CYP2C19: variants seen among roughly 807,000 people sequenced by gnomAD.
CYP2C19 encodes cytochrome P450 2C19.
CYP2C19 carries 59 observed loss-of-function variants against 40.9 expected under a neutral mutation model. That is an observed-to-expected ratio of 1.44 (90% CI 1.17 to 1.79). The LOEUF is 1.79. Among genes scored for constraint, CYP2C19 ranks in the 40% most tolerant of loss-of-function variants. CYP2C19 has a pLI of 0.00. For missense variants in CYP2C19, 754 were observed against 596.9 expected (o/e 1.26, Z -2.74); for synonymous variants, 253 against 208.7 (o/e 1.21, Z -1.83).
intron 6 of CYP2C19, among the ~76,000 whole-genome samples, chr10:94,824,571 T>C (rs1393484641): frequency 6.6e-6 from 1 of 152,222 alleles, no homozygotes; most frequent in Non-Finnish European, 1.5e-5. Flanking sequence ...TTTAAACGTG[T>C]TATTTTGATG....
chr10:94,831,763 CTA>C lies in CYP2C19; in HGVS notation c.962-11071_962-11070del, dbSNP rs112821760. 3.6e-3 allele frequency among the ~76,000 whole-genome samples: 544 copies of C among 152,172 alleles called. 1 individual carries two copies. Among genetic ancestry groups the C allele is most frequent in the African/African-American group, 0.012 (519 of 41,536 alleles). On this transcript the variant is annotated intron_variant, in intron 6 of 8. Transcript: ENST00000371321. ...GTGGACTTGATTATTAGATTTTTTT[CTA>C]TAGAGTTACTTAAGTTCCTTATATA...
At chr10:94,780,400 A>T in intron 3 of CYP2C19, 99 bp from the exon 4 acceptor site, 1 of 1,462,900 alleles carries the variant, frequency 6.8e-7, no homozygotes, top group Non-Finnish European at 9.2e-7. Flanking sequence ...TAGGTAAGAT[A>T]TTACTTAAAA....
chr10:94,775,627 T>C, intron 3 of CYP2C19, 88 bp downstream of exon 3: 1 of 1,607,082 alleles, frequency 6.2e-7, no homozygotes, highest in Non-Finnish European at 8.5e-7. Flanking sequence ...GGTGGCCAGA[T>C]CTTTTATTTG....
At chr10:94,783,298 C>T (rs1056338058) in intron 5 of CYP2C19, among the ~76,000 whole-genome samples, 1 of 151,994 alleles carries the variant, frequency 6.6e-6, no homozygotes, top group Non-Finnish European at 1.5e-5. Context: ...TCCTGCATTC[C>T]TGCAGATTGA....
intron 5 of CYP2C19, among the ~76,000 whole-genome samples, chr10:94,818,906 G>A (rs1299258598): frequency 6.6e-6 from 1 of 152,006 alleles, no homozygotes; most frequent in East Asian, 1.9e-4. Flanking sequence ...TGATTGCCCT[G>A]GCCAGAACTT....
rs147255955 is a variant in CYP2C19 at position 94,762,751 on chromosome 10, C to T, written c.46C>T (p.Leu16Phe). The change falls in exon 1 of 9, where the codon CTC becomes TTC. Residue 16 changes from leucine (L) to phenylalanine (F), a missense_variant. By Grantham distance (22) the Leu-to-Phe change is conservative. Coordinates refer to ENST00000371321, the MANE Select transcript of CYP2C19 (RefSeq NM_000769.4). ...TGTGCTCTGTCTCTCATGTTTGCTT[C>T]TCCTTTCAATCTGGAGACAGAGCTC... The part of the protein sequence containing the change: ...VLVLCLSCLL[L>F]LSIWRQSSGR... 1.9e-6 allele frequency: 3 copies of T among 1,613,838 alleles called. No homozygotes were observed. Among genetic ancestry groups the T allele is most frequent in the Non-Finnish European group, 2.5e-6 (3 of 1,179,956 alleles).
intron 6 of CYP2C19, among the ~76,000 whole-genome samples, chr10:94,821,209 G>T (rs1849116451): frequency 6.6e-6 from 1 of 152,182 alleles, no homozygotes; most frequent in Admixed American, 6.5e-5. Context: ...GGCCCAGTGT[G>T]TCTGGATTTC....
chr10:94,841,963 C>T (rs1165251063), intron 6 of CYP2C19, among the ~76,000 whole-genome samples: 1 of 152,182 alleles, frequency 6.6e-6, no homozygotes, highest in East Asian at 1.9e-4. Flanking sequence ...GAATGTGTAT[C>T]TGTAGCAGTT....
chr10:94,826,148 T>C (rs1349322073), intron 6 of CYP2C19, among the ~76,000 whole-genome samples: 2 of 152,126 alleles, frequency 1.3e-5, no homozygotes, highest in East Asian at 3.9e-4. Context: ...CGGGCTCTTT[T>C]TTGGTTCCAT....
intron 5 of CYP2C19, 113 bp from the exon 6 acceptor site, chr10:94,820,383 T>A: frequency 1.6e-6 from 2 of 1,254,344 alleles, no homozygotes; most frequent in Non-Finnish European, 2.3e-6. Flanking sequence ...TTTCTAGTAC[T>A]ATACTTTACA....
At chr10:94,765,022 C>T (rs1205621937) in intron 1 of CYP2C19, among the ~76,000 whole-genome samples, 1 of 152,114 alleles carries the variant, frequency 6.6e-6, no homozygotes, top group Non-Finnish European at 1.5e-5. Flanking sequence ...CCTTTCTCAG[C>T]AGTGAGGAGG....
At chr10:94,834,626 C>T (rs1849374827) in intron 6 of CYP2C19, among the ~76,000 whole-genome samples, 2 of 151,868 alleles carry the variant, frequency 1.3e-5, no homozygotes, top group South Asian at 4.1e-4. Flanking sequence ...GGAGGGGACC[C>T]AAAGGGGGTT....
chr10:94,826,582 T>C (rs1589369605), intron 6 of CYP2C19, among the ~76,000 whole-genome samples: 1 of 152,328 alleles, frequency 6.6e-6, no homozygotes, highest in East Asian at 1.9e-4. Flanking sequence ...GTTTTCTAGA[T>C]ATACAATCAT....
At chr10:94,776,860 T>C (rs1418810815) in intron 3 of CYP2C19, among the ~76,000 whole-genome samples, 5 of 152,124 alleles carry the variant, frequency 3.3e-5, no homozygotes, top group Non-Finnish European at 5.9e-5. Context: ...GAAGTCAAAT[T>C]GTCTCTGTTT....
In CYP2C19 at chr10:94,763,263, G is replaced by T. The variant is rs17878279; in HGVS notation, c.168+390G>T. On this transcript the variant is annotated intron_variant, in intron 1 of 8. Coordinates refer to ENST00000371321, the MANE Select transcript of CYP2C19 (RefSeq NM_000769.4). ...GCCATGTGTTTTATTCAGAATAGCC[G>T]TGAAAATTGAACTTCTCTGAAGAAA... Among the ~76,000 whole-genome samples the T allele has an allele frequency of 7.2e-5, 11 of 152,208 alleles. No individual in the cohort carries two copies. The East Asian group carries it at 9.7e-4, about 13-fold the overall frequency.
At chr10:94,844,269 G>C (rs1849540301) in intron 7 of CYP2C19, among the ~76,000 whole-genome samples, 1 of 152,136 alleles carries the variant, frequency 6.6e-6, no homozygotes, top group Non-Finnish European at 1.5e-5. Flanking sequence ...GAATTTCAGA[G>C]GATGTTTATA....
intron 6 of CYP2C19, among the ~76,000 whole-genome samples, chr10:94,831,508 C>A (rs560065139): frequency 1.3e-5 from 2 of 152,316 alleles, no homozygotes; most frequent in South Asian, 4.1e-4. Context: ...TACTAATTTA[C>A]ATTCCCACCA....
chr10:94,768,723 A>G (rs776328251), intron 1 of CYP2C19, among the ~76,000 whole-genome samples: 4 of 152,056 alleles, frequency 2.6e-5, no homozygotes, highest in African/African-American at 4.8e-5. Flanking sequence ...TACAACATCA[A>G]TTTCCTTACT....
chr10:94,771,514 TC>T (rs1173916965), intron 1 of CYP2C19, among the ~76,000 whole-genome samples: 1 of 152,088 alleles, frequency 6.6e-6, no homozygotes, highest in Non-Finnish European at 1.5e-5. Context: ...TGGCCATTTT[TC>T]CCCATCAGAG....
Sources: allele counts gnomAD v4.1 joint callset (sites outside exome capture counted in the v4.1 genomes callset), GRCh38; gene constraint gnomAD v4.1.1; transcripts MANE v1.5; gene names NCBI Gene and HGNC (gene_info 2026-07-23, HGNC 2026-07-21).